FOCAD: variants seen among roughly 807,000 people sequenced by gnomAD.
FOCAD encodes KIAA1797.
A neutral mutation model predicts 225.6 loss-of-function variants in FOCAD; 198 were observed. That is an observed-to-expected ratio of 0.88 (90% CI 0.78 to 0.99). FOCAD has a LOEUF of 0.99. FOCAD is among the 50% of genes least tolerant of loss of function. The pLI is 0.00. For synonymous variants in FOCAD, 897 were observed against 755.0 expected, an observed-to-expected ratio of 1.19 and a Z score of -3.08; for missense variants, 2,713 against 2,123.6, an observed-to-expected ratio of 1.28 and a Z score of -5.46.
chr9:20,817,254 A>G (rs892275730), intron 11 of FOCAD, among the ~76,000 whole-genome samples: 2 of 152,192 alleles, frequency 1.3e-5, no homozygotes, highest in Admixed American at 6.5e-5. Context: ...GTACAATTCA[A>G]TGGCTTTTAT....
intron 16 of FOCAD, among the ~76,000 whole-genome samples, chr9:20,864,796 T>C (rs1215809600): frequency 6.6e-6 from 1 of 152,136 alleles, no homozygotes; most frequent in Non-Finnish European, 1.5e-5. Context: ...GAGATACTAA[T>C]AAATATAGTC....
At chr9:20,731,025 CAGGAGTTT>C (rs934318285) in intron 4 of FOCAD, among the ~76,000 whole-genome samples, 6 of 152,178 alleles carry the variant, frequency 3.9e-5, no homozygotes, top group Admixed American at 2.0e-4. Flanking sequence ...CACCTGAGGT[CAGGAGTTT>C]AAGACCAGCC....
intron 35 of FOCAD, among the ~76,000 whole-genome samples, chr9:20,974,855 C>A (rs1480941374): frequency 6.6e-6 from 1 of 152,094 alleles, no homozygotes; most frequent in Non-Finnish European, 1.5e-5. Flanking sequence ...ACTCTGGCTC[C>A]ACATCTGCTT....
At chr9:20,714,181 A>C (rs1274001407) in intron 1 of FOCAD, among the ~76,000 whole-genome samples, 1 of 152,192 alleles carries the variant, frequency 6.6e-6, no homozygotes, top group Non-Finnish European at 1.5e-5. Flanking sequence ...ATATACTTTA[A>C]ACCGGTTGAA....
intron 7 of FOCAD, among the ~76,000 whole-genome samples, chr9:20,768,159 G>C (rs7855361): frequency 1.4e-5 from 2 of 148,084 alleles, no homozygotes; most frequent in Non-Finnish European, 3.0e-5. Flanking sequence ...TATTTCTGAG[G>C]GCTCTGTTCT....
chr9:20,989,907 A>G (rs912673352), intron 41 of FOCAD, among the ~76,000 whole-genome samples: 4 of 152,306 alleles, frequency 2.6e-5, no homozygotes, highest in Admixed American at 2.6e-4. Context: ...AGGGACTTCA[A>G]AAATCTTCTA....
chr9:20,877,116 A>G (rs1212414339), intron 19 of FOCAD, among the ~76,000 whole-genome samples: 1 of 147,282 alleles, frequency 6.8e-6, no homozygotes, highest in Non-Finnish European at 1.5e-5. Flanking sequence ...TTGGCACAAT[A>G]TTACTAACTT....
At chr9:20,818,009 T>C (rs1055332867) in intron 11 of FOCAD, among the ~76,000 whole-genome samples, 6 of 152,184 alleles carry the variant, frequency 3.9e-5, no homozygotes, top group African/African-American at 1.4e-4. Context: ...ACGAGCAGTG[T>C]ACAAGGGTTC....
chr9:20,730,635 C>T (rs1245568723), intron 4 of FOCAD, among the ~76,000 whole-genome samples: 1 of 152,064 alleles, frequency 6.6e-6, no homozygotes, highest in Non-Finnish European at 1.5e-5. Flanking sequence ...TCATATATAA[C>T]AAGTGAGTTA....
At chr9:20,847,140 T>A (rs1309466541) in intron 15 of FOCAD, among the ~76,000 whole-genome samples, 1 of 152,124 alleles carries the variant, frequency 6.6e-6, no homozygotes, top group African/African-American at 2.4e-5. Context: ...CACAGAGTTG[T>A]ACAATCATCA....
chr9:20,756,307 A>T (rs1829044135), intron 5 of FOCAD, among the ~76,000 whole-genome samples: 1 of 152,158 alleles, frequency 6.6e-6, no homozygotes. Context: ...GGTTAAGAAG[A>T]AATAGATAGT....
chr9:20,758,198 T>G lies in FOCAD; in HGVS notation c.494+7T>G. 6.2e-7 allele frequency: 1 copy of G among 1,603,480 alleles called. No homozygotes were observed. On this transcript the variant is annotated splice_region_variant and intron_variant, in intron 6 of 43. Coordinates refer to ENST00000338382, the MANE Select transcript of FOCAD (RefSeq NM_001375567.1). ...TCCAGCAGTGCCCTGAAAGGTAATGTAAAATAAAAGTGTAAAATAAAGTGA... is the reference window on the plus strand; with the variant it reads ...TCCAGCAGTGCCCTGAAAGGTAATGGAAAATAAAAGTGTAAAATAAAGTGA...
At chr9:20,736,723 A>G (rs1418267967) in intron 4 of FOCAD, among the ~76,000 whole-genome samples, 1 of 152,154 alleles carries the variant, frequency 6.6e-6, no homozygotes, top group Non-Finnish European at 1.5e-5. Context: ...ATTTACTGAC[A>G]TACTATTCTT....
intron 2 of FOCAD, among the ~76,000 whole-genome samples, chr9:20,677,426 A>C (rs1822266294): frequency 6.6e-6 from 1 of 152,212 alleles, no homozygotes; most frequent in African/African-American, 2.4e-5. Context: ...CAGAATTAAG[A>C]GACAACTTAC....
intron 2 of FOCAD, among the ~76,000 whole-genome samples, chr9:20,715,667 A>G (rs184667691): frequency 3.3e-5 from 5 of 152,208 alleles, no homozygotes; most frequent in East Asian, 3.9e-4. Flanking sequence ...TTGATTAACT[A>G]GTAGGCCCCT....
intron 28 of FOCAD, among the ~76,000 whole-genome samples, chr9:20,939,802 C>T (rs200980945): frequency 6.7e-6 from 1 of 148,970 alleles, no homozygotes; most frequent in African/African-American, 2.5e-5. Flanking sequence ...GTGCACAACG[C>T]GCAGGTTTGT....
intron 39 of FOCAD, 22 bp from the exon 40 acceptor site, chr9:20,986,266 A>ATTTTTTTTTTTTTTTTTTTGTTTT (rs545976303): frequency 1.6e-6 from 1 of 606,560 alleles, no homozygotes; most frequent in African/African-American, 3.3e-5. Context: ...TAACTAAACA[A>ATTTTTTTTTTTTTTTTTTTGTTTT]TTTTTTTTTT....
At chr9:20,947,320 AAAG>A (rs1837275957) in intron 30 of FOCAD, among the ~76,000 whole-genome samples, 1 of 152,222 alleles carries the variant, frequency 6.6e-6, no homozygotes, top group African/African-American at 2.4e-5. Context: ...CAACCTTAAA[AAAG>A]AAGGAAGTTC....
rs182018664 is a variant in FOCAD, at chr9:20,945,299, C to A, written c.3555+525C>A. Among the ~76,000 whole-genome samples, 117 of 152,220 alleles carry A rather than the reference C, an allele frequency of 7.7e-4. 1 individual carries two copies. The East Asian group carries it at 0.02, about 26-fold the overall frequency. ...TGTGATCCAGTTCATGGGTGTTAACCATGTTTTTAGATGGAACATTTCAGG... is the reference window on the plus strand; with the variant it reads ...TGTGATCCAGTTCATGGGTGTTAACAATGTTTTTAGATGGAACATTTCAGG... On this transcript the variant is annotated intron_variant, in intron 29 of 43. Transcript: ENST00000338382.
Sources: allele counts gnomAD v4.1 joint callset (sites outside exome capture counted in the v4.1 genomes callset), GRCh38; gene constraint gnomAD v4.1.1; transcripts MANE v1.5; gene names NCBI Gene and HGNC (gene_info 2026-07-23, HGNC 2026-07-21).